Variants in ABCA6 observed in about 807,000 individuals in gnomAD.
ABCA6 encodes the protein ATP binding cassette subfamily A member 6, also known as ATP-binding cassette sub-family A member 6.
In ABCA6, 164 loss-of-function variants were observed where a neutral mutation model predicts 191.2. The observed-to-expected ratio is 0.86, with a 90% CI of 0.76 to 0.98. The LOEUF is 0.98. Ranked by LOEUF, ABCA6 falls within the 50% of genes least tolerant of loss-of-function variation. The probability of loss-of-function intolerance (pLI) is 0.00; values close to 1 mark genes in which losing one functional copy is unlikely to be tolerated. For synonymous variants in ABCA6, 636 were observed against 647.7 expected (o/e 0.98, Z 0.27); for missense variants, 1,958 against 1,894.1 (o/e 1.03, Z -0.63).
chr17:69,127,099 T>C (rs758903743), intron 8 of ABCA6, among the ~76,000 whole-genome samples: 3 of 152,182 alleles, frequency 2.0e-5, no homozygotes, highest in Non-Finnish European at 2.9e-5. Flanking sequence ...GATATTTGTG[T>C]AGCAAAATTA....
chr17:69,141,379 C>A (rs1186680052), intron 1 of ABCA6, among the ~76,000 whole-genome samples: 1 of 151,934 alleles, frequency 6.6e-6, no homozygotes, highest in East Asian at 1.9e-4. Context: ...AATGAAACTA[C>A]AAAATTAGCT....
At chr17:69,141,552 A>AT (rs1660661828) in intron 1 of ABCA6, among the ~76,000 whole-genome samples, 193 bp downstream of exon 1, 1 of 151,960 alleles carries the variant, frequency 6.6e-6, no homozygotes, top group Admixed American at 6.6e-5. Flanking sequence ...ACAGAAGCAA[A>AT]TTTTTTCCAT....
intron 17 of ABCA6, chr17:69,108,219 C>T (rs981017524): frequency 6.0e-6 from 1 of 166,400 alleles, no homozygotes; most frequent in African/African-American, 2.4e-5. Flanking sequence ...AAGTCAATAA[C>T]ACAACCTCTG....
chr17:69,078,749 T>C lies in ABCA6; in HGVS notation c.*224A>G. The C allele has an allele frequency of 2.8e-6, 1 of 359,710 alleles. No individual in the cohort carries two copies. Among genetic ancestry groups the C allele is most frequent in the Non-Finnish European group, 4.9e-6 (1 of 203,148 alleles). 22.3% of individuals were successfully genotyped at this position (359,710 alleles called of 1,614,324 possible). A position where few individuals can be genotyped will look rare whatever the true frequency, so the allele number is the denominator to read the frequency against. On this transcript the variant is annotated 3_prime_UTR_variant, in exon 39 of 39. Transcript: ENST00000284425. Reference sequence around the variant, plus strand: ...TTCCACAATACCCAGTGCCTGACTCTTTGGGTGACTTTACTAATATTTTGT... The same window carrying C: ...TTCCACAATACCCAGTGCCTGACTCCTTGGGTGACTTTACTAATATTTTGT...
At position 69,083,033 on chromosome 17, in the gene ABCA6, T is replaced by C; in HGVS notation, c.4476-20A>G. 1 of 1,608,734 alleles carries C rather than the reference T, an allele frequency of 6.2e-7. No individual in the cohort carries two copies. The highest frequency in any genetic ancestry group is 1.3e-5 in the African/African-American group (1 of 74,696). ...ATGCATCTATGGGCAAGAAAGAGAA[T>C]ATGTTGGAAAAAATATTGCCCTTAA... On this transcript the variant is annotated intron_variant, in intron 35 of 38. Transcript: ENST00000284425.
chr17:69,102,212 G>T (rs2073197035), intron 21 of ABCA6, among the ~76,000 whole-genome samples: 1 of 152,166 alleles, frequency 6.6e-6, no homozygotes, highest in Admixed American at 6.5e-5. Context: ...TGGGCATGGT[G>T]GTGCCTGCTT....
intron 5 of ABCA6, 97 bp downstream of exon 5, chr17:69,134,542 G>A (rs2073917938): frequency 3.5e-6 from 3 of 854,088 alleles, no homozygotes; most frequent in Admixed American, 2.3e-5. Context: ...TGTTGTAGCA[G>A]TACAAACGGA....
At chr17:69,112,965 G>T (rs994961392) in intron 15 of ABCA6, 2 of 276,168 alleles carry the variant, frequency 7.2e-6, no homozygotes, top group Non-Finnish European at 1.3e-5. Flanking sequence ...TATAAAAAAA[G>T]ATTTGAATGT....
chr17:69,123,594 A>G (rs1371112399), intron 9 of ABCA6, among the ~76,000 whole-genome samples, 187 bp from the exon 10 acceptor site: 1 of 152,100 alleles, frequency 6.6e-6, no homozygotes, highest in Non-Finnish European at 1.5e-5. Context: ...TTCAAAGGAA[A>G]TAACATATTG....
At chr17:69,089,436 T>C (rs367967822) in intron 27 of ABCA6, 29 bp downstream of exon 27, 1 of 1,594,238 alleles carries the variant, frequency 6.3e-7, no homozygotes, top group African/African-American at 1.3e-5. Context: ...TCCAAAAGAA[T>C]GTGTGCTGAG....
At chr17:69,085,990 C>T (rs1198715369) in intron 30 of ABCA6, among the ~76,000 whole-genome samples, 2 of 152,102 alleles carry the variant, frequency 1.3e-5, no homozygotes, top group Non-Finnish European at 2.9e-5. Flanking sequence ...AACTGTTTTC[C>T]GTAATAGATG....
chr17:69,087,504 G>A, intron 28 of ABCA6, 31 bp from the exon 29 acceptor site: 1 of 1,611,594 alleles, frequency 6.2e-7, no homozygotes, highest in Non-Finnish European at 8.5e-7. Flanking sequence ...GTTACATGTG[G>A]TATTCTAGCT....
At chr17:69,132,931 TATGTA>T (rs148612144) in intron 6 of ABCA6, among the ~76,000 whole-genome samples, 5,539 of 152,322 alleles carry the variant, frequency 0.036, 139 homozygotes, top group Middle Eastern at 0.071. Context: ...TATGCATACA[TATGTA>T]ATGTATGTAA....
Position 69,125,033 on chromosome 17 carries a change from A to C in ABCA6, c.1122T>G (p.Ile374Met). ...CATTCAAGTTATAATCCAGTTTGAT[A>C]ATCTAAGATTCAAAAAATAAAAATA... ...PFAFTTGMIQ[I>M]IKLDYNLNGV... The change falls in exon 9 of 39, where the codon ATT becomes ATG. Residue 374 changes from isoleucine to methionine, a missense_variant and splice_region_variant. By Grantham distance (10) the Ile-to-Met change is conservative (BLOSUM62 1). Transcript: ENST00000284425. 7.4e-7 allele frequency: 1 copy of C among 1,348,854 alleles called. No homozygotes were observed. The highest frequency in any genetic ancestry group is 9.8e-7 in the Non-Finnish European group (1 of 1,019,952). 83.6% of individuals were successfully genotyped at this position (1,348,854 alleles called of 1,614,324 possible).
chr17:69,118,701 T>C (rs575081536), intron 10 of ABCA6, among the ~76,000 whole-genome samples: 2 of 152,120 alleles, frequency 1.3e-5, no homozygotes, highest in African/African-American at 4.8e-5. Context: ...TTCTAAATGT[T>C]CCTTCTCTGT....
At position 69,100,524 on chromosome 17, in the gene ABCA6, C is replaced by G. The variant is rs544930025; in HGVS notation, c.3012+273G>C. Among the ~76,000 whole-genome samples, 12 of 152,200 alleles carry G rather than the reference C, an allele frequency of 7.9e-5. No individual in the cohort carries two copies. In the South Asian group the frequency reaches 2.5e-3, roughly 32 times the overall value. On this transcript the variant is annotated intron_variant, in intron 22 of 38. Transcript: ENST00000284425. Reference sequence around the variant, plus strand: ...TTTTCTTTTTTCTGTTTCTCTTTCTCATACACTTCCACAATCAAGTATGTA... The same window carrying G: ...TTTTCTTTTTTCTGTTTCTCTTTCTGATACACTTCCACAATCAAGTATGTA...
chr17:69,117,843 T>G, intron 11 of ABCA6, 55 bp downstream of exon 11: 1 of 1,344,640 alleles, frequency 7.4e-7, no homozygotes, highest in Non-Finnish European at 1.0e-6. Flanking sequence ...ATGTTTCCCT[T>G]TTTTATAATA....
Position 69,097,966 on chromosome 17 carries a change from C to T in ABCA6, c.3074G>A (p.Cys1025Tyr), listed in dbSNP as rs774976963. The change falls in exon 23 of 39, where the codon TGT becomes TAT. Residue 1025 changes from cysteine (C) to tyrosine (Y), a missense_variant. By Grantham distance (194) the Cys-to-Tyr change is radical. Coordinates refer to ENST00000284425, the MANE Select transcript of ABCA6 (RefSeq NM_080284.3). ...CATGGTGATATAAGGAGAAATGCTACATAGAACCAAAAATAAGAAAAAGGA... is the reference window on the plus strand; with the variant it reads ...CATGGTGATATAAGGAGAAATGCTATATAGAACCAAAAATAAGAAAAAGGA... ...DGSFFLFLVLCSISPYITMGS... is the reference protein window; with the variant it reads ...DGSFFLFLVLYSISPYITMGS... 6.8e-6 allele frequency: 11 copies of T among 1,611,560 alleles called. No individual in the cohort carries two copies. In the Admixed American group the frequency reaches 8.4e-5, roughly 12 times the overall value.
At chr17:69,111,120 G>A in intron 16 of ABCA6, 180 bp from the exon 17 acceptor site, 2 of 501,274 alleles carry the variant, frequency 4.0e-6, no homozygotes, top group Non-Finnish European at 3.4e-6. Flanking sequence ...ATCTATATAT[G>A]GAAAATGTAT....
Sources: allele counts gnomAD v4.1 joint callset (sites outside exome capture counted in the v4.1 genomes callset), GRCh38; gene constraint gnomAD v4.1.1; transcripts MANE v1.5; gene names NCBI Gene and HGNC (gene_info 2026-07-23, HGNC 2026-07-21).